The following TXNL4A variants were observed in gnomAD, a reference collection of about 807,000 sequenced individuals.
TXNL4A encodes thioredoxin-like protein 4A.
Under a neutral mutation model 14.6 loss-of-function variants are expected in TXNL4A, and 17 were observed. The ratio of observed to expected loss-of-function variants is 1.16; its 90% CI spans 0.80 to 1.74. TXNL4A has a LOEUF of 1.74. Ranked by LOEUF, TXNL4A falls within the 40% of genes most tolerant of loss-of-function variation. The probability of loss-of-function intolerance (pLI) is 0.00; values close to 1 mark genes in which losing one functional copy is unlikely to be tolerated. For synonymous variants in TXNL4A, 83 were observed against 70.6 expected (o/e 1.18, Z -0.88); for missense variants, 74 against 195.2 (o/e 0.38, Z 3.70).
At chr18:79,997,192 A>T (rs2051668535) in intron 1 of TXNL4A, among the ~76,000 whole-genome samples, 2 of 152,118 alleles carry the variant, frequency 1.3e-5, no homozygotes, top group South Asian at 4.1e-4. Context: ...ATACAGATAT[A>T]GGGAAAATAT....
At chr18:80,007,828 G>A (rs11662908) in intron 1 of TXNL4A, among the ~76,000 whole-genome samples, 28,766 of 152,036 alleles carry the variant, frequency 0.19, 3,070 homozygotes, top group Middle Eastern at 0.23. Context: ...CAGATAAGGA[G>A]TTTTGCCTCC....
chr18:80,006,917 G>T (rs780286150), intron 1 of TXNL4A, among the ~76,000 whole-genome samples: 3 of 152,176 alleles, frequency 2.0e-5, no homozygotes, highest in African/African-American at 7.2e-5. Context: ...TATGCAAATG[G>T]AGTCTCTACG....
intron 1 of TXNL4A, chr18:79,979,779 T>C (rs1306482336): frequency 1.3e-5 from 2 of 152,242 alleles, no homozygotes; most frequent in African/African-American, 4.8e-5. Context: ...GTGAACATTT[T>C]CCCCCTTAAA....
At chr18:79,977,557 T>C in intron 2 of TXNL4A, 41 bp downstream of exon 2, 2 of 1,457,074 alleles carry the variant, frequency 1.4e-6, no homozygotes, top group Non-Finnish European at 1.9e-6. Context: ...GCTTCCAAAC[T>C]GACAATATTC....
At chr18:79,985,159 T>C (rs1206118414) in intron 1 of TXNL4A, among the ~76,000 whole-genome samples, 2 of 152,190 alleles carry the variant, frequency 1.3e-5, no homozygotes, top group African/African-American at 4.8e-5. Flanking sequence ...CAAAGGTCCA[T>C]GAAATTGTCT....
chr18:79,987,762 C>T (rs1276071151), intron 1 of TXNL4A, among the ~76,000 whole-genome samples: 1 of 152,190 alleles, frequency 6.6e-6, no homozygotes, highest in Non-Finnish European at 1.5e-5. Flanking sequence ...AACCACATGA[C>T]TCACAAAAAG....
intron 1 of TXNL4A, 117 bp downstream of exon 1, chr18:79,988,123 C>T: frequency 8.1e-7 from 1 of 1,235,068 alleles, no homozygotes; most frequent in Non-Finnish European, 1.0e-6. Flanking sequence ...GCCTGAACGA[C>T]GGAGCCGCGG....
intron 1 of TXNL4A, among the ~76,000 whole-genome samples, chr18:80,025,618 G>A (rs2051879556): frequency 6.6e-6 from 1 of 152,198 alleles, no homozygotes; most frequent in East Asian, 1.9e-4. Flanking sequence ...TACCAACCTT[G>A]GTCAAAGGCT....
intron 1 of TXNL4A, chr18:79,978,052 CCTT>C: frequency 5.3e-6 from 1 of 187,530 alleles, no homozygotes; most frequent in Non-Finnish European, 1.1e-5. Context: ...ACTACTGGGA[CCTT>C]GGCCACCGGC....
intron 1 of TXNL4A, among the ~76,000 whole-genome samples, chr18:80,026,699 CCCA>C (rs1457949290): frequency 1.3e-5 from 2 of 151,438 alleles, no homozygotes; most frequent in Admixed American, 1.3e-4. Context: ...GTTCAGCTCC[CCCA>C]CCACAGACTC....
intron 1 of TXNL4A, among the ~76,000 whole-genome samples, chr18:80,009,248 GA>G (rs2051753587): frequency 6.6e-6 from 1 of 152,164 alleles, no homozygotes; most frequent in Non-Finnish European, 1.5e-5. Flanking sequence ...TTAGCAGCTC[GA>G]ATGGAATGGC....
At chr18:80,009,730 G>A (rs560868321) in intron 1 of TXNL4A, among the ~76,000 whole-genome samples, 2 of 152,194 alleles carry the variant, frequency 1.3e-5, no homozygotes, top group African/African-American at 2.4e-5. Flanking sequence ...CCTGACCCTC[G>A]ATTTGGGATT....
rs920698916 is a variant in TXNL4A, at chr18:79,988,222, G to A, written c.153+18C>T. On this transcript the variant is annotated intron_variant, in intron 1 of 2. Transcript: ENST00000269601. Reference sequence around the variant, plus strand: ...TGCGGAAGCACAGCCCGCAGAGCGGGAGAGTCCGGCGCGCTACCTTCTCGG... The same window carrying A: ...TGCGGAAGCACAGCCCGCAGAGCGGAAGAGTCCGGCGCGCTACCTTCTCGG... 4.0e-6 allele frequency: 6 copies of A among 1,504,120 alleles called. No individual in the cohort carries two copies. The highest frequency in any genetic ancestry group is 2.5e-5 in the South Asian group (2 of 79,672). The allele number at this position is 1,504,120 out of a possible 1,614,324, so 93.2% of individuals were successfully genotyped here.
intron 1 of TXNL4A, among the ~76,000 whole-genome samples, chr18:79,999,074 T>A (rs2145102436): frequency 6.6e-6 from 1 of 152,296 alleles, no homozygotes; most frequent in African/African-American, 2.4e-5. Context: ...CTGAGTTGAC[T>A]GCCCTGACCC....
chr18:80,019,138 T>A (rs2051832042), intron 1 of TXNL4A, among the ~76,000 whole-genome samples: 2 of 152,230 alleles, frequency 1.3e-5, no homozygotes, highest in African/African-American at 4.8e-5. Context: ...CATTTTCGGA[T>A]ATCTTCTCAG....
At chr18:80,006,801 T>C (rs2364973) in intron 1 of TXNL4A, among the ~76,000 whole-genome samples, 19,164 of 152,100 alleles carry the variant, frequency 0.13, 2,069 homozygotes, top group East Asian at 0.44. Context: ...CTTGAGAAGG[T>C]GGTGTCTGAT....
chr18:80,021,620 C>T (rs1184842819), intron 1 of TXNL4A, among the ~76,000 whole-genome samples: 1 of 152,182 alleles, frequency 6.6e-6, no homozygotes, highest in Non-Finnish European at 1.5e-5. Context: ...TTAGGAACCA[C>T]TGGATGGATT....
At chr18:80,020,872 C>T (rs527599763) in intron 1 of TXNL4A, among the ~76,000 whole-genome samples, 1 of 150,398 alleles carries the variant, frequency 6.6e-6, no homozygotes, top group Non-Finnish European at 1.5e-5. Context: ...TATCTTCTCA[C>T]CTAATGTTTT....
In TXNL4A at chr18:79,982,805, A is replaced by G. The variant is rs1022911510; in HGVS notation, c.154-5104T>C. ...GCAGAGGGGAGCTCCCCAGCCTCCCACCACCCCATTTTCTTGGTGAAATGG... is the reference window on the plus strand; with the variant it reads ...GCAGAGGGGAGCTCCCCAGCCTCCCGCCACCCCATTTTCTTGGTGAAATGG... On this transcript the variant is annotated intron_variant, in intron 1 of 2. Coordinates refer to ENST00000269601, the MANE Select transcript of TXNL4A (RefSeq NM_006701.5). This position sits in a 1 kb window ranked among gnomAD's most constrained non-coding sequence, Gnocchi z 4.0. 1.3e-5 allele frequency among the ~76,000 whole-genome samples: 2 copies of G among 152,024 alleles called. No individual in the cohort carries two copies. Among genetic ancestry groups the G allele is most frequent in the Non-Finnish European group, 2.9e-5 (2 of 67,980 alleles).
Sources: gnomAD v4.1 joint callset for allele counts (sites outside exome capture counted in the v4.1 genomes callset) on GRCh38, gnomAD v4.1.1 for gene constraint, Gnocchi (gnomAD v3.1) non-coding constraint, MANE v1.5 for transcripts, NCBI Gene and HGNC (gene_info 2026-07-23, HGNC 2026-07-21) for gene names.